The following RELL1 variants were observed in gnomAD, a reference collection of about 807,000 sequenced individuals.
RELL1 encodes the protein RELT like 1.
A neutral mutation model predicts 23.0 loss-of-function variants in RELL1; 10 were observed. The ratio of observed to expected loss-of-function variants is 0.43; its 90% CI spans 0.27 to 0.74. RELL1 has a LOEUF of 0.74. Ranked by LOEUF, RELL1 falls within the 30% of genes least tolerant of loss-of-function variation. The pLI, the probability that RELL1 is intolerant of heterozygous loss-of-function variation, is 0.19. For synonymous variants in RELL1, 146 were observed against 146.8 expected (o/e 0.99, Z 0.04); for missense variants, 315 against 364.4 (o/e 0.86, Z 1.10).
chr4:37,685,842 G>A (rs1045620412), intron 1 of RELL1, among the ~76,000 whole-genome samples: 7 of 152,264 alleles, frequency 4.6e-5, no homozygotes, highest in African/African-American at 7.2e-5. Flanking sequence ...TTGAGGACAA[G>A]GGCGGCGGGA....
chr4:37,671,106 TTAAA>T (rs1165300327), intron 1 of RELL1, among the ~76,000 whole-genome samples: 1 of 152,166 alleles, frequency 6.6e-6, no homozygotes, highest in Non-Finnish European at 1.5e-5. Flanking sequence ...ACTCCACAGG[TTAAA>T]TACTCAATCC....
chr4:37,634,762 A>G, intron 5 of RELL1, 125 bp downstream of exon 5: 1 of 843,320 alleles, frequency 1.2e-6, no homozygotes, highest in Non-Finnish European at 1.9e-6. Flanking sequence ...AAACATCTAA[A>G]AAGCCCAGAG....
At chr4:37,668,246 C>T (rs1382801655) in intron 1 of RELL1, among the ~76,000 whole-genome samples, 1 of 145,536 alleles carries the variant, frequency 6.9e-6, no homozygotes, top group Non-Finnish European at 1.5e-5. Flanking sequence ...CCTCTTTCCA[C>T]GGTCTCCCTC....
intron 1 of RELL1, among the ~76,000 whole-genome samples, chr4:37,682,329 A>T (rs1722252698): frequency 6.6e-6 from 1 of 152,242 alleles, no homozygotes; most frequent in Non-Finnish European, 1.5e-5. Flanking sequence ...AATCTTTACA[A>T]CCACTTAAGT....
At chr4:37,601,616 T>C (rs1719017636) in intron 6 of RELL1, among the ~76,000 whole-genome samples, 1 of 152,302 alleles carries the variant, frequency 6.6e-6, no homozygotes, top group Admixed American at 6.5e-5. Flanking sequence ...GGAAAAGGGT[T>C]TGCAAAAGCA....
chr4:37,675,763 AGAG>A (rs1448938634), intron 1 of RELL1, among the ~76,000 whole-genome samples: 1 of 152,202 alleles, frequency 6.6e-6, no homozygotes, highest in Non-Finnish European at 1.5e-5. Context: ...AGCCCCAAGA[AGAG>A]GAGAGGGGAT....
At position 37,686,259 on chromosome 4, in the gene RELL1, GCGGACCC is replaced by G; in HGVS notation, c.22_28del (p.Gly8ProfsTer3). On this transcript the variant is annotated frameshift_variant, in exon 1 of 7. Transcript: ENST00000454158. LOFTEE classifies it high-confidence loss of function. ...CACGAAGACAGCAGCGGCTAGGACG[GCGGACCC>G]CGGGAGTGCCCGCGGAGCCATCGCC... 2 of 1,565,936 alleles carry G rather than the reference GCGGACCC, an allele frequency of 1.3e-6. No homozygotes were observed. The highest frequency in any genetic ancestry group is 1.7e-6 in the Non-Finnish European group (2 of 1,164,614).
At chr4:37,630,852 C>T (rs2109257463) in intron 6 of RELL1, among the ~76,000 whole-genome samples, 1 of 151,944 alleles carries the variant, frequency 6.6e-6, no homozygotes, top group African/African-American at 2.4e-5. Context: ...AAGGAAAAAG[C>T]ATTGGTTTGT....
rs959865969 is a variant in RELL1 at position 37,663,198 on chromosome 4, C to T, written c.89-13698G>A. On this transcript the variant is annotated intron_variant, in intron 1 of 6. Transcript: ENST00000454158. ...TTCTCCAGCCCCTCCCTCCCTCTTT[C>T]GCTGCCCCTCCTCCTTTTGCTATTT... Among the ~76,000 whole-genome samples the T allele has an allele frequency of 5.9e-5, 9 of 152,182 alleles. 1 individual carries two copies. The South Asian group carries it at 1.4e-3, about 25-fold the overall frequency.
At chr4:37,621,343 C>T (rs956402800) in intron 6 of RELL1, among the ~76,000 whole-genome samples, 28 of 152,146 alleles carry the variant, frequency 1.8e-4, no homozygotes, top group African/African-American at 6.0e-4. Flanking sequence ...GCAGTCCTAG[C>T]TACTCGGGAG....
downstream of RELL1, among the ~76,000 whole-genome samples, chr4:37,587,633 A>G (rs770902240): frequency 1.3e-5 from 2 of 152,162 alleles, no homozygotes; most frequent in African/African-American, 2.4e-5. Flanking sequence ...CTTCATGGAG[A>G]CAGGGAGACT....
intron 1 of RELL1, among the ~76,000 whole-genome samples, chr4:37,668,124 CTTTTA>C (rs773423390): frequency 2.0e-5 from 3 of 152,048 alleles, no homozygotes; most frequent in Admixed American, 6.5e-5. Flanking sequence ...CCCACATTTC[CTTTTA>C]TTTTAATTAT....
chr4:37,626,018 A>G (rs1316785414), intron 6 of RELL1, among the ~76,000 whole-genome samples: 2 of 152,204 alleles, frequency 1.3e-5, no homozygotes, highest in African/African-American at 4.8e-5. Flanking sequence ...ATCATCATGG[A>G]AATATAAATT....
chr4:37,598,867 T>C (rs1156887875), intron 6 of RELL1, among the ~76,000 whole-genome samples: 1 of 152,092 alleles, frequency 6.6e-6, no homozygotes, highest in Non-Finnish European at 1.5e-5. Context: ...TGTATTTTAG[T>C]AGAGACAAGG....
Position 37,686,374 on chromosome 4 carries a change from A to T in RELL1, c.-87T>A. 9.2e-7 allele frequency: 1 copy of T among 1,092,030 alleles called. No individual in the cohort carries two copies. The highest frequency in any genetic ancestry group is 1.2e-6 in the Non-Finnish European group (1 of 809,096). 67.6% of individuals were successfully genotyped at this position (1,092,030 alleles called of 1,614,324 possible). ...CGCTCCGGAGCCGGCGGGCTGATCG[A>T]GTGGCTGGGCTGGGCCCCAGGGAGC... On this transcript the variant is annotated 5_prime_UTR_variant, in exon 1 of 7. Transcript: ENST00000454158.
chr4:37,686,175 G>T, intron 1 of RELL1, 25 bp downstream of exon 1: 1 of 1,554,248 alleles, frequency 6.4e-7, no homozygotes, highest in Non-Finnish European at 8.6e-7. Context: ...AGCACCCGGC[G>T]CCCCGGCTAC....
intron 5 of RELL1, among the ~76,000 whole-genome samples, chr4:37,633,323 C>A (rs747920577): frequency 2.1e-5 from 3 of 143,736 alleles, no homozygotes; most frequent in Non-Finnish European, 3.0e-5. Flanking sequence ...GCACGACAAT[C>A]GTTTGAGCCC....
chr4:37,674,732 A>G (rs1721962930), intron 1 of RELL1, among the ~76,000 whole-genome samples: 1 of 50,528 alleles, frequency 2.0e-5, no homozygotes, highest in South Asian at 5.1e-4. Flanking sequence ...CCCAAGTTGT[A>G]CTGTGATACA....
intron 6 of RELL1, among the ~76,000 whole-genome samples, chr4:37,604,866 GACACAC>G (rs752355951): frequency 1.8e-5 from 1 of 56,802 alleles, no homozygotes; most frequent in African/African-American, 5.1e-5. Context: ...CACACACACA[GACACAC>G]ACACACATAC....
Sources: allele counts gnomAD v4.1 joint callset (sites outside exome capture counted in the v4.1 genomes callset), GRCh38; gene constraint gnomAD v4.1.1; transcripts MANE v1.5; gene names NCBI Gene and HGNC (gene_info 2026-07-23, HGNC 2026-07-21).